KALRN: variants seen among roughly 807,000 people sequenced by gnomAD.
KALRN encodes kalirin RhoGEF kinase.
In KALRN, 70 loss-of-function variants were observed where a neutral mutation model predicts 353.7. The observed-to-expected ratio is 0.20, with a 90% CI of 0.16 to 0.24. The LOEUF (loss-of-function observed/expected upper bound fraction) is 0.24. KALRN is among the 10% of genes least tolerant of loss of function. The pLI, the probability that KALRN is intolerant of heterozygous loss-of-function variation, is 1.00. For synonymous variants in KALRN, 1,391 were observed against 1,434.8 expected, an observed-to-expected ratio of 0.97 and a Z score of 0.69; for missense variants, 2,791 against 3,756.7, an observed-to-expected ratio of 0.74 and a Z score of 6.72.
intron 1 of KALRN, among the ~76,000 whole-genome samples, chr3:124,189,935 CAA>C (rs1218193851): frequency 1.6e-4 from 11 of 69,412 alleles, no homozygotes; most frequent in East Asian, 5.3e-4. Flanking sequence ...AAGACTCTGT[CAA>C]AAAAAAAAAA....
At chr3:124,679,393 A>T (rs1021960724) in intron 50 of KALRN, 65 bp from the exon 51 acceptor site, 1 of 1,416,726 alleles carries the variant, frequency 7.1e-7, no homozygotes, top group African/African-American at 1.4e-5. Flanking sequence ...CTCTCTCTCT[A>T]GCAAAAGCTA....
At chr3:124,383,484 G>A (rs960482206) in intron 10 of KALRN, among the ~76,000 whole-genome samples, 2 of 152,134 alleles carry the variant, frequency 1.3e-5, no homozygotes, top group Non-Finnish European at 2.9e-5. Flanking sequence ...TTTTCTGGCA[G>A]TCTTTAGCAT....
intron 14 of KALRN, among the ~76,000 whole-genome samples, chr3:124,419,903 G>A (rs1202284626): frequency 6.6e-6 from 1 of 152,224 alleles, no homozygotes; most frequent in Non-Finnish European, 1.5e-5. Flanking sequence ...ATTGAGAGCA[G>A]TAAAGTCAAC....
intron 12 of KALRN, among the ~76,000 whole-genome samples, chr3:124,396,740 C>T (rs1220010780): frequency 6.6e-6 from 1 of 152,244 alleles, no homozygotes; most frequent in Non-Finnish European, 1.5e-5. Context: ...TGCCTAAGGG[C>T]ATAAGGCTAC....
intron 3 of KALRN, among the ~76,000 whole-genome samples, chr3:124,255,934 A>G (rs1284589021): frequency 6.6e-6 from 1 of 152,212 alleles, no homozygotes; most frequent in Non-Finnish European, 1.5e-5. Flanking sequence ...AGAGGCATGG[A>G]TAATGTGTTG....
intron 34 of KALRN, among the ~76,000 whole-genome samples, chr3:124,563,802 G>T (rs57715370): frequency 6.6e-6 from 1 of 151,996 alleles, no homozygotes; most frequent in Non-Finnish European, 1.5e-5. Flanking sequence ...AGAAATGCAG[G>T]TGCCAGCCTG....
At chr3:124,210,152 A>G (rs2076781788) in intron 1 of KALRN, among the ~76,000 whole-genome samples, 1 of 152,180 alleles carries the variant, frequency 6.6e-6, no homozygotes, top group South Asian at 2.1e-4. Flanking sequence ...TCTTTCCTAT[A>G]CTTGCATTTA....
intron 34 of KALRN, among the ~76,000 whole-genome samples, chr3:124,629,086 A>C (rs1002768107): frequency 6.6e-6 from 1 of 152,154 alleles, no homozygotes; most frequent in African/African-American, 2.4e-5. Flanking sequence ...GTTTGATTTA[A>C]ATATCAGTAT....
intron 34 of KALRN, among the ~76,000 whole-genome samples, chr3:124,585,240 G>A (rs140987969): frequency 6.6e-6 from 1 of 152,346 alleles, no homozygotes; most frequent in Non-Finnish European, 1.5e-5. Flanking sequence ...GGGACGCAGA[G>A]CCGCGTGTGT....
At chr3:124,054,000 C>T (rs1191025056) in intron 1 of KALRN, among the ~76,000 whole-genome samples, 1 of 152,214 alleles carries the variant, frequency 6.6e-6, no homozygotes, top group Non-Finnish European at 1.5e-5. Context: ...ATGCAAAGCT[C>T]AGATATAGGG....
chr3:124,588,515 C>G (rs2075435589), intron 34 of KALRN, among the ~76,000 whole-genome samples: 1 of 152,168 alleles, frequency 6.6e-6, no homozygotes, highest in South Asian at 2.1e-4. Flanking sequence ...ACCTCTGCCT[C>G]CCAGGTTCAA....
intron 37 of KALRN, among the ~76,000 whole-genome samples, chr3:124,638,604 T>C (rs1229514701): frequency 6.6e-6 from 1 of 152,220 alleles, no homozygotes; most frequent in Non-Finnish European, 1.5e-5. Context: ...ATTTTTTCTT[T>C]TACCATCTGA....
intron 9 of KALRN, among the ~76,000 whole-genome samples, chr3:124,339,580 C>T (rs1372933214): frequency 2.0e-5 from 3 of 152,182 alleles, no homozygotes; most frequent in African/African-American, 4.8e-5. Flanking sequence ...AGCTGCTCCC[C>T]TTCAGAACTA....
chr3:124,449,134 A>T (rs1250956208), intron 21 of KALRN, among the ~76,000 whole-genome samples: 1 of 152,200 alleles, frequency 6.6e-6, no homozygotes, highest in African/African-American at 2.4e-5. Context: ...GCTGTCTTTG[A>T]TTATAATCTT....
At position 124,398,865 on chromosome 3, in the gene KALRN, C is replaced by A. The variant is rs962671256; in HGVS notation, c.2340C>A (p.Thr780=). The A allele has an allele frequency of 1.9e-6, 3 of 1,605,510 alleles. No homozygotes were observed. Among genetic ancestry groups the A allele is most frequent in the Admixed American group, 3.4e-5 (2 of 59,520 alleles). ...AACTGCGCATCTTTGAGCAGTACAC[C>A]ATCGAGGTAGCAGGGGGCCAGGAGG... ...FLQLRIFEQY[T]IEVTAELDAW... is the part of the protein sequence containing the mutation. The change falls in exon 13 of 60, where the codon ACC becomes ACA. Residue 780 remains threonine (T), a synonymous_variant. Coordinates refer to ENST00000682506, the MANE Select transcript of KALRN (RefSeq NM_001388419.1).
At chr3:124,628,169 C>CTTCCCTCCCTCCCTCCTTCA (rs2080215176) in intron 34 of KALRN, among the ~76,000 whole-genome samples, 1 of 50,798 alleles carries the variant, frequency 2.0e-5, no homozygotes, top group Non-Finnish European at 3.5e-5. Context: ...CCCTTCCTTC[C>CTTCCCTCCCTCCCTCCTTCA]TTCCCTCCCT....
At chr3:124,597,442 G>T (rs35480125) in intron 34 of KALRN, among the ~76,000 whole-genome samples, 23,526 of 152,224 alleles carry the variant, frequency 0.15, 1,947 homozygotes, top group Middle Eastern at 0.19. Flanking sequence ...AAGCTGATGT[G>T]AGCATAGCAG....
At chr3:124,488,407 A>C in intron 29 of KALRN, 92 bp downstream of exon 29, 1 of 849,072 alleles carries the variant, frequency 1.2e-6, no homozygotes, top group South Asian at 1.4e-5. Context: ...AAGTTAGACA[A>C]GGTGCAAGGC....
At chr3:124,641,460 G>A (rs1262263989) in intron 37 of KALRN, among the ~76,000 whole-genome samples, 1 of 152,192 alleles carries the variant, frequency 6.6e-6, no homozygotes, top group Non-Finnish European at 1.5e-5. Context: ...GTGGACTGTT[G>A]CTGCTGGCAG....
Sources: allele counts gnomAD v4.1 joint callset (sites outside exome capture counted in the v4.1 genomes callset), GRCh38; gene constraint gnomAD v4.1.1; transcripts MANE v1.5; gene names NCBI Gene and HGNC (gene_info 2026-07-23, HGNC 2026-07-21).